Variants in ESRRB observed in about 807,000 individuals in gnomAD.
The protein encoded by ESRRB is steroid hormone receptor ERR2.
A neutral mutation model predicts 46.0 loss-of-function variants in ESRRB; 16 were observed. The ratio of observed to expected loss-of-function variants is 0.35; its 90% confidence interval spans 0.24 to 0.53. The LOEUF is 0.53. Among genes scored for constraint, ESRRB ranks in the 20% least tolerant of loss-of-function variants. The probability of loss-of-function intolerance (pLI) is 0.93; values close to 1 mark genes in which losing one functional copy is unlikely to be tolerated. For synonymous variants in ESRRB, 246 were observed against 259.6 expected (o/e 0.95, Z 0.50); for missense variants, 488 against 607.4 (o/e 0.80, Z 2.07).
chr14:76,385,972 G>A (rs900234942), intron 1 of ESRRB, among the ~76,000 whole-genome samples: 1 of 152,170 alleles, frequency 6.6e-6, no homozygotes, highest in Non-Finnish European at 1.5e-5. Context: ...CATATAGTAG[G>A]TGTGCATTAA....
intron 1 of ESRRB, among the ~76,000 whole-genome samples, chr14:76,332,865 TA>T (rs1884051297): frequency 3.6e-5 from 1 of 28,142 alleles, no homozygotes; most frequent in Non-Finnish European, 6.3e-5. Flanking sequence ...TATTTATATA[TA>T]ATATATTTTT....
intron 2 of ESRRB, 110 bp downstream of exon 2, chr14:76,439,860 G>A (rs956426462): frequency 4.1e-6 from 5 of 1,219,450 alleles, no homozygotes; most frequent in African/African-American, 3.0e-5. Context: ...TCTGGGCGCT[G>A]TTGGAGCGGT....
chr14:76,379,189 T>C (rs1884904634), intron 1 of ESRRB, among the ~76,000 whole-genome samples: 1 of 152,162 alleles, frequency 6.6e-6, no homozygotes, highest in South Asian at 2.1e-4. Flanking sequence ...GCCAATCCTG[T>C]AGGTGACTCC....
chr14:76,343,840 AG>A (rs1884219354), intron 1 of ESRRB, among the ~76,000 whole-genome samples: 1 of 152,368 alleles, frequency 6.6e-6, no homozygotes, highest in African/African-American at 2.4e-5. Flanking sequence ...AATTTGTAGG[AG>A]GAGGAGTAAA....
At chr14:76,381,014 G>C (rs772104741) in intron 1 of ESRRB, among the ~76,000 whole-genome samples, 29 of 152,226 alleles carry the variant, frequency 1.9e-4, no homozygotes, top group Middle Eastern at 3.4e-3. Flanking sequence ...ATTGGTCTCT[G>C]TCTCTGGTGA....
At chr14:76,324,592 A>C (rs559901912) in intron 1 of ESRRB, among the ~76,000 whole-genome samples, 5 of 152,300 alleles carry the variant, frequency 3.3e-5, no homozygotes, top group Admixed American at 2.6e-4. Flanking sequence ...ATCAAAGAGA[A>C]CCAGGACCCT....
intron 2 of ESRRB, among the ~76,000 whole-genome samples, chr14:76,442,557 C>T (rs8004246): frequency 0.083 from 12,592 of 152,070 alleles, 819 homozygotes; most frequent in African/African-American, 0.18. Flanking sequence ...AAGAAGCTTA[C>T]GTGAGTTAAT....
chr14:76,493,908 C>A (rs892273087), intron 6 of ESRRB, among the ~76,000 whole-genome samples: 21 of 152,226 alleles, frequency 1.4e-4, no homozygotes, highest in African/African-American at 4.8e-4. Flanking sequence ...TCCTTGGCAC[C>A]ACCAGGCAAT....
chr14:76,464,361 G>A (rs1453031435), intron 3 of ESRRB, among the ~76,000 whole-genome samples: 5 of 152,168 alleles, frequency 3.3e-5, no homozygotes, highest in Admixed American at 6.5e-5. Flanking sequence ...GACCTAAGAC[G>A]CTTTGTCAAT....
chr14:76,354,702 T>C (rs112379478), intron 1 of ESRRB, among the ~76,000 whole-genome samples: 4,029 of 117,694 alleles, frequency 0.034, 229 homozygotes, highest in African/African-American at 0.11. Context: ...AGGTAGGTCC[T>C]GGGCTTTTTT....
upstream of ESRRB, among the ~76,000 whole-genome samples, chr14:76,375,902 C>G (rs1428361962): frequency 1.4e-5 from 2 of 147,458 alleles, no homozygotes; most frequent in Non-Finnish European, 3.0e-5. Context: ...CCCCACCCCC[C>G]TTTAACTGCG....
At chr14:76,333,360 T>C (rs1884081311) in intron 1 of ESRRB, among the ~76,000 whole-genome samples, 1 of 55,594 alleles carries the variant, frequency 1.8e-5, no homozygotes, top group African/African-American at 7.8e-5. Flanking sequence ...TTATATATTA[T>C]ATATTTTATA....
intron 1 of ESRRB, among the ~76,000 whole-genome samples, chr14:76,402,067 A>C (rs1314081790): frequency 6.6e-6 from 1 of 152,222 alleles, no homozygotes; most frequent in African/African-American, 2.4e-5. Flanking sequence ...GCCATTGGGC[A>C]GGAAGGATTT....
intron 1 of ESRRB, among the ~76,000 whole-genome samples, chr14:76,313,371 C>T (rs987567305): frequency 6.6e-5 from 10 of 151,966 alleles, no homozygotes; most frequent in Non-Finnish European, 1.2e-4. Flanking sequence ...CTGTCTGTGA[C>T]TTCATGTCTG....
At chr14:76,489,608 A>G (rs1890146637) in intron 5 of ESRRB, among the ~76,000 whole-genome samples, 1 of 152,200 alleles carries the variant, frequency 6.6e-6, no homozygotes, top group Admixed American at 6.5e-5. Flanking sequence ...TGGTGATCTG[A>G]GGCCCAAGTT....
intron 1 of ESRRB, among the ~76,000 whole-genome samples, chr14:76,354,647 G>A (rs1398078888): frequency 6.6e-6 from 1 of 150,488 alleles, no homozygotes; most frequent in East Asian, 2.0e-4. Context: ...TGACCCACAA[G>A]AACCCATGGG....
At chr14:76,458,906 G>A (rs535545912) in intron 2 of ESRRB, among the ~76,000 whole-genome samples, 47 of 148,782 alleles carry the variant, frequency 3.2e-4, no homozygotes, top group African/African-American at 1.2e-3. Flanking sequence ...GTGCAGTGGC[G>A]CGATCTCGGC....
Position 76,461,182 on chromosome 14 carries a change from A to G in ESRRB, c.461-1363A>G, listed in dbSNP as rs1395662536. 2.0e-5 allele frequency among the ~76,000 whole-genome samples: 3 copies of G among 152,258 alleles called. No homozygotes were observed. In the East Asian group the frequency reaches 5.8e-4, roughly 29 times the overall value. Reference sequence around the variant, plus strand: ...GACTGGACTGTCAACCCTCCCAGGAAGAGCGCTGGAAGGTCAGTTCAACCT... The same window carrying G: ...GACTGGACTGTCAACCCTCCCAGGAGGAGCGCTGGAAGGTCAGTTCAACCT... On this transcript the variant is annotated intron_variant, in intron 2 of 6. Transcript: ENST00000644823.
intron 2 of ESRRB, among the ~76,000 whole-genome samples, chr14:76,445,364 G>A (rs111768208): frequency 8.0e-5 from 12 of 150,304 alleles, no homozygotes; most frequent in Non-Finnish European, 1.5e-4. Context: ...CCAGCTACTC[G>A]AGAGGCTGAG....
Sources: allele counts gnomAD v4.1 joint callset (sites outside exome capture counted in the v4.1 genomes callset), GRCh38; gene constraint gnomAD v4.1.1; transcripts MANE v1.5; gene names NCBI Gene and HGNC (gene_info 2026-07-23, HGNC 2026-07-21).